Variants in DNHD1 observed in about 807,000 individuals in gnomAD.
DNHD1 encodes dynein heavy chain domain-containing protein 1.
In DNHD1, 383 loss-of-function variants were observed where a neutral mutation model predicts 458.1. The observed-to-expected ratio is 0.84, with a 90% confidence interval of 0.77 to 0.91. The LOEUF (loss-of-function observed/expected upper bound fraction) is 0.91, where lower values mean the gene tolerates loss of function less well. Ranked by LOEUF, DNHD1 falls within the 40% of genes least tolerant of loss-of-function variation. The pLI is 0.00. For missense variants in DNHD1, 5,336 were observed against 5,866.1 expected, an observed-to-expected ratio of 0.91 and a Z score of 2.95; for synonymous variants, 2,203 against 2,376.9, an observed-to-expected ratio of 0.93 and a Z score of 2.13.
chr11:6,515,989 T>G (rs1210750180), intron 7 of DNHD1, among the ~76,000 whole-genome samples: 1 of 151,982 alleles, frequency 6.6e-6, no homozygotes, highest in Admixed American at 6.6e-5. Context: ...GGTTTTACCA[T>G]GTTGTCCAGG....
chr11:6,546,823 C>T lies in DNHD1; in HGVS notation c.5884C>T (p.Gln1962Ter). 1 of 1,551,850 alleles carries T rather than the reference C, an allele frequency of 6.4e-7. No homozygotes were observed. The highest frequency in any genetic ancestry group is 2.4e-5 in the East Asian group (1 of 40,912). The change falls in exon 21 of 43, where the codon CAG (glutamine) becomes TAG (stop). Residue 1962 changes from glutamine (Q) to a stop codon, truncating the protein, a stop_gained. Transcript: ENST00000254579. LOFTEE classifies it high-confidence loss of function. ...MKPLVVEELQ[Q>*]VGLDPSPDIL... ...GCCATTGGTGGTGGAGGAACTGCAA[C>T]AGGTAGGTCTGGATCCCAGCCCTGA...
At chr11:6,515,307 CTG>C (rs1852438525) in intron 7 of DNHD1, among the ~76,000 whole-genome samples, 3 of 152,194 alleles carry the variant, frequency 2.0e-5, no homozygotes, top group African/African-American at 7.2e-5. Context: ...TGATACAACT[CTG>C]TTATCTAATC....
chr11:6,554,236 A>G (rs553964820), intron 24 of DNHD1, among the ~76,000 whole-genome samples: 1 of 152,304 alleles, frequency 6.6e-6, no homozygotes, highest in East Asian at 1.9e-4. Flanking sequence ...GGGGGAAAGG[A>G]TAGCCTTTTC....
chr11:6,555,874 T>C (rs1853452922), intron 24 of DNHD1, among the ~76,000 whole-genome samples: 1 of 152,154 alleles, frequency 6.6e-6, no homozygotes, highest in Non-Finnish European at 1.5e-5. Context: ...ATCATTGGGG[T>C]GGTGATGACA....
At chr11:6,564,829 G>C in intron 32 of DNHD1, 25 bp downstream of exon 32, 2 of 1,469,514 alleles carry the variant, frequency 1.4e-6, no homozygotes, top group South Asian at 1.4e-5. Context: ...TAAATGCAAT[G>C]CTTCCGGAGT....
Position 6,544,570 on chromosome 11 carries a change from A to C in DNHD1, c.3755-4A>C. 6.4e-7 allele frequency: 1 copy of C among 1,550,742 alleles called. No homozygotes were observed. Among genetic ancestry groups the C allele is most frequent in the Non-Finnish European group, 8.7e-7 (1 of 1,146,304 alleles). On this transcript the variant is annotated splice_region_variant and splice_polypyrimidine_tract_variant and intron_variant, in intron 19 of 42. Transcript: ENST00000254579. ...CACCAGCATTCCTCTGGCTGCTTAC[A>C]CAGGTGCCCTGCTGGAGGTGTGGCT...
intron 40 of DNHD1, 54 bp downstream of exon 40, chr11:6,570,154 G>A: frequency 6.2e-7 from 1 of 1,613,636 alleles, no homozygotes; most frequent in Non-Finnish European, 8.5e-7. Context: ...GAGCCTGGAA[G>A]AGGGTGGGGG....
intron 7 of DNHD1, 102 bp downstream of exon 7, chr11:6,511,531 C>G: frequency 1.4e-6 from 2 of 1,445,402 alleles, no homozygotes; most frequent in Non-Finnish European, 1.9e-6. Context: ...ACTGTATGAC[C>G]TGGACTCTAC....
Position 6,544,799 on chromosome 11 carries a change from G to A in DNHD1, c.3860G>A (p.Arg1287His), listed in dbSNP as rs577579332. 4.8e-5 allele frequency: 75 copies of A among 1,550,464 alleles called. No individual in the cohort carries two copies. The highest frequency in any genetic ancestry group is 1.7e-4 in the Middle Eastern group (1 of 5,990). ...IQFPNADLNS[R>H]FKVMDDQYRT... is the part of the protein sequence containing the mutation. ...TCCTCTCCCTCACCACAGAACTCTCGTTTCAAGGTCATGGATGACCAGTAT... is the reference window on the plus strand; with the variant it reads ...TCCTCTCCCTCACCACAGAACTCTCATTTCAAGGTCATGGATGACCAGTAT... The change falls in exon 21 of 43, where the codon CGT becomes CAT. Residue 1287 changes from arginine to histidine, a missense_variant. Physicochemically the swap from Arg to His is conservative, Grantham distance 29. Around this residue, in one of 4 missense-constraint regions of DNHD1, gnomAD observed 3,932 missense variants for 4,365.6 expected, o/e 0.90. Transcript: ENST00000254579.
intron 4 of DNHD1, 124 bp from the exon 5 acceptor site, chr11:6,508,756 C>A: frequency 2.6e-6 from 2 of 768,818 alleles, no homozygotes; most frequent in Non-Finnish European, 2.1e-6. Flanking sequence ...TCTCTTTGCC[C>A]CTTTTTCTCC....
intron 6 of DNHD1, among the ~76,000 whole-genome samples, chr11:6,510,104 A>G (rs61876826): frequency 6.6e-6 from 1 of 150,838 alleles, no homozygotes. Context: ...TTTTTTTTAA[A>G]TGGAGTTTCA....
Position 6,498,479 on chromosome 11 carries a change from G to A in DNHD1, c.264G>A (p.Leu88=). Residue 88 remains leucine (L), a synonymous_variant, in exon 3 of 43, where the codon CTG becomes CTA. Transcript: ENST00000254579. ...PAAWRYLHAV[L]GLLPPYRELL... ...CTTGGCGCTATCTTCATGCAGTACT[G>A]GGTCTACTGCCTCCATATCGTGAGT... 6.2e-7 allele frequency: 1 copy of A among 1,614,198 alleles called. No individual in the cohort carries two copies.
chr11:6,499,634 C>CAA (rs1852096482), intron 3 of DNHD1, among the ~76,000 whole-genome samples: 1 of 152,050 alleles, frequency 6.6e-6, no homozygotes, highest in South Asian at 2.1e-4. Flanking sequence ...ACGGCATGGT[C>CAA]TCGGTTCACC....
intron 4 of DNHD1, among the ~76,000 whole-genome samples, chr11:6,506,466 A>G (rs988173569): frequency 8.5e-5 from 13 of 152,198 alleles, no homozygotes; most frequent in Non-Finnish European, 1.6e-4. Flanking sequence ...TCTAGTTGTT[A>G]TCAAGTGGGA....
intron 14 of DNHD1, among the ~76,000 whole-genome samples, chr11:6,535,827 C>T (rs1852936332): frequency 6.6e-6 from 1 of 151,918 alleles, no homozygotes; most frequent in African/African-American, 2.4e-5. Flanking sequence ...TCAACAGATG[C>T]CAAATCTAGG....
chr11:6,529,101 A>G lies in DNHD1; in HGVS notation c.2327A>G (p.His776Arg), dbSNP rs769765079. 18 of 1,550,154 alleles carry G rather than the reference A, an allele frequency of 1.2e-5. No homozygotes were observed. In the African/African-American group the frequency reaches 1.5e-4, roughly 13 times the overall value. The stretch of plus-strand genomic sequence containing the variant: ...GGCGGGTTGCTGCTACTTAGCTGCC[A>G]TGATGTACAGGCAGAGATGGGTGAG... Reference protein sequence around the residue: ...TKGGLLLLSCHDVQAEMESKL... With the variant: ...TKGGLLLLSCRDVQAEMESKL... Residue 776 changes from histidine to arginine, a missense_variant, in exon 12 of 43, where the codon CAT (histidine) becomes CGT (arginine). Coordinates refer to ENST00000254579, the MANE Select transcript of DNHD1 (RefSeq NM_144666.3).
In DNHD1 at chr11:6,568,063, A is replaced by C. The variant is rs1405056247; in HGVS notation, c.12359A>C (p.Lys4120Thr). ...CTCTTTTTTGGTCCCCAGGGGCAGA[A>C]GCAACTGCAGGTGATAGCCCTGGGC... ...KLAAKYQQGQ[K>T]QLQVIALGSE... The change falls in exon 37 of 43, where the codon AAG (lysine) becomes ACG (threonine). Residue 4120 changes from lysine (K) to threonine (T), a missense_variant. Around this residue, in one of 4 missense-constraint regions of DNHD1, gnomAD observed 695 missense variants for 804.2 expected, o/e 0.86. Coordinates refer to ENST00000254579, the MANE Select transcript of DNHD1 (RefSeq NM_144666.3). 2 of 1,570,512 alleles carry C rather than the reference A, an allele frequency of 1.3e-6. No homozygotes were observed. Among genetic ancestry groups the C allele is most frequent in the East Asian group, 4.7e-5 (2 of 42,856 alleles).
In DNHD1 at chr11:6,520,034, C is replaced by T; in HGVS notation, c.1717C>T (p.Pro573Ser). 3.7e-6 allele frequency: 6 copies of T among 1,614,172 alleles called. No homozygotes were observed. Among genetic ancestry groups the T allele is most frequent in the Non-Finnish European group, 5.1e-6 (6 of 1,180,032 alleles). The change falls in exon 9 of 43, where the codon CCC (proline) becomes TCC (serine). Residue 573 changes from proline (P) to serine (S), a missense_variant. Coordinates refer to ENST00000254579, the MANE Select transcript of DNHD1 (RefSeq NM_144666.3). The part of the protein sequence containing the change: ...FDDHGQLSHV[P>S]CVENMIQTLT... Reference sequence around the variant, plus strand: ...TGATCATGGTCAACTGTCTCATGTGCCCTGTGTTGAAAATATGATCCAGAC... The same window carrying T: ...TGATCATGGTCAACTGTCTCATGTGTCCTGTGTTGAAAATATGATCCAGAC...
rs746476285 is a variant in DNHD1 at position 6,557,257 on chromosome 11, C to A, written c.7962C>A (p.Thr2654=). 3 of 1,551,478 alleles carry A rather than the reference C, an allele frequency of 1.9e-6. No homozygotes were observed. Among genetic ancestry groups the A allele is most frequent in the East Asian group, 2.4e-5 (1 of 40,922 alleles). ...TTTGGTTGCATGAGGCACAGAGAAC[C>A]TTTTGCGACCGGCTGGACAGCCCCA... ...VRLWLHEAQR[T]FCDRLDSPRE... Residue 2654 remains threonine, a synonymous_variant, in exon 25 of 43, where the codon ACC becomes ACA. Transcript: ENST00000254579.
Sources: gnomAD v4.1 joint callset for allele counts (sites outside exome capture counted in the v4.1 genomes callset) on GRCh38, gnomAD v4.1.1 for gene constraint, gnomAD v4.1.1 regional missense constraint, MANE v1.5 for transcripts, NCBI Gene and HGNC (gene_info 2026-07-23, HGNC 2026-07-21) for gene names.